Variants in GABRB2 observed in about 807,000 individuals in gnomAD.
GABRB2 encodes the protein gamma-aminobutyric acid type A receptor subunit beta2, also known as gamma-aminobutyric acid receptor subunit beta-2.
Under a neutral mutation model 54.7 loss-of-function variants are expected in GABRB2, and 16 were observed. The observed-to-expected ratio is 0.29, with a 90% confidence interval of 0.20 to 0.44. The LOEUF is 0.44. GABRB2 is among the 20% of genes least tolerant of loss of function. GABRB2 has a pLI of 1.00. For missense variants in GABRB2, 355 were observed against 644.0 expected (o/e 0.55, Z 4.86); for synonymous variants, 244 against 233.8 (o/e 1.04, Z -0.40).
chr5:161,429,938 T>TTG (rs1247850555), intron 4 of GABRB2, among the ~76,000 whole-genome samples: 3 of 152,174 alleles, frequency 2.0e-5, no homozygotes, highest in Non-Finnish European at 2.9e-5. Context: ...GAAGGCCCAG[T>TTG]GTTCATGCTC....
chr5:161,344,705 A>C (rs906934084), intron 5 of GABRB2, among the ~76,000 whole-genome samples: 1 of 152,092 alleles, frequency 6.6e-6, no homozygotes, highest in Non-Finnish European at 1.5e-5. Flanking sequence ...ATATATACCC[A>C]AAAATTATTA....
chr5:161,479,091 GAGAAT>G (rs1174137867), intron 3 of GABRB2, among the ~76,000 whole-genome samples: 1 of 152,040 alleles, frequency 6.6e-6, no homozygotes, highest in East Asian at 1.9e-4. Flanking sequence ...ACTTAGTCAA[GAGAAT>G]TCTCATGCTT....
chr5:161,357,072 G>C (rs977757679), intron 5 of GABRB2, among the ~76,000 whole-genome samples: 1 of 152,146 alleles, frequency 6.6e-6, no homozygotes, highest in Admixed American at 6.5e-5. Flanking sequence ...TAACAAATAG[G>C]TGAATTACGT....
At chr5:161,459,395 TC>T in intron 4 of GABRB2, 1 of 557,966 alleles carries the variant, frequency 1.8e-6, no homozygotes. Context: ...AGCTTTAGGA[TC>T]AGCAGCTGAT....
intron 3 of GABRB2, among the ~76,000 whole-genome samples, chr5:161,514,332 T>C (rs557639746): frequency 1.9e-4 from 29 of 152,252 alleles, no homozygotes; most frequent in African/African-American, 6.5e-4. Flanking sequence ...TACTCTCTCA[T>C]ACATCCACCT....
At chr5:161,470,465 C>T (rs1368561298) in intron 3 of GABRB2, among the ~76,000 whole-genome samples, 1 of 151,962 alleles carries the variant, frequency 6.6e-6, no homozygotes, top group East Asian at 1.9e-4. Context: ...AATAGAACAA[C>T]TGTAACAATA....
chr5:161,496,079 A>G (rs914570518), intron 3 of GABRB2, among the ~76,000 whole-genome samples: 3 of 152,130 alleles, frequency 2.0e-5, no homozygotes, highest in Admixed American at 2.0e-4. Flanking sequence ...TGAGGCTGTT[A>G]AGCCACTGGG....
At chr5:161,531,335 C>T (rs1297065926) in intron 3 of GABRB2, among the ~76,000 whole-genome samples, 3 of 152,012 alleles carry the variant, frequency 2.0e-5, no homozygotes, top group Non-Finnish European at 4.4e-5. Context: ...CTCACAGAAA[C>T]CTGACAATTT....
chr5:161,514,199 G>A (rs1025467963), intron 3 of GABRB2, among the ~76,000 whole-genome samples: 1 of 152,092 alleles, frequency 6.6e-6, no homozygotes, highest in African/African-American at 2.4e-5. Flanking sequence ...TATGACCAGA[G>A]TGCAGACACT....
At chr5:161,348,766 T>C (rs1280284254) in intron 5 of GABRB2, among the ~76,000 whole-genome samples, 1 of 152,092 alleles carries the variant, frequency 6.6e-6, no homozygotes. Context: ...TTTGAATAGC[T>C]AGGGATTTAA....
At chr5:161,361,873 TGC>T (rs986454501) in intron 5 of GABRB2, among the ~76,000 whole-genome samples, 17 of 152,314 alleles carry the variant, frequency 1.1e-4, no homozygotes, top group African/African-American at 3.8e-4. Flanking sequence ...TGAATGGTAT[TGC>T]CTAGGTTTTC....
chr5:161,533,158 T>G (rs193276530), intron 3 of GABRB2, among the ~76,000 whole-genome samples: 49 of 152,282 alleles, frequency 3.2e-4, no homozygotes, highest in African/African-American at 1.1e-3. Context: ...GCAATAGGAA[T>G]GCCGATAGAA....
chr5:161,297,070 A>G (rs1757400436), intron 9 of GABRB2, among the ~76,000 whole-genome samples: 1 of 152,134 alleles, frequency 6.6e-6, no homozygotes, highest in Non-Finnish European at 1.5e-5. Context: ...AAAATTAAGT[A>G]TGTTGCCCTT....
chr5:161,356,823 G>T (rs115075664), intron 5 of GABRB2, among the ~76,000 whole-genome samples: 1,730 of 152,208 alleles, frequency 0.011, 35 homozygotes, highest in African/African-American at 0.039. Flanking sequence ...AAGAACCCTG[G>T]ATATTTTTGG....
At chr5:161,424,440 A>G (rs1470031032) in intron 4 of GABRB2, among the ~76,000 whole-genome samples, 1 of 152,144 alleles carries the variant, frequency 6.6e-6, no homozygotes, top group East Asian at 1.9e-4. Flanking sequence ...TCCCAAAATC[A>G]TAAGGCCCTT....
intron 3 of GABRB2, among the ~76,000 whole-genome samples, chr5:161,497,228 A>G (rs753576806): frequency 3.3e-5 from 5 of 152,120 alleles, no homozygotes; most frequent in Non-Finnish European, 5.9e-5. Context: ...CTTTAAGTCC[A>G]TAAGGCAGCA....
At chr5:161,319,132 T>G (rs1758132368) in intron 9 of GABRB2, among the ~76,000 whole-genome samples, 1 of 150,336 alleles carries the variant, frequency 6.7e-6, no homozygotes, top group African/African-American at 2.4e-5. Context: ...GCTGTTTTTT[T>G]TTTTTTTAAA....
intron 4 of GABRB2, among the ~76,000 whole-genome samples, chr5:161,437,343 G>A (rs866482264): frequency 7.9e-5 from 12 of 151,964 alleles, no homozygotes; most frequent in African/African-American, 2.9e-4. Flanking sequence ...AGAGTTATGA[G>A]GCCCCCATTT....
chr5:161,541,876 T>C (rs538245008), intron 3 of GABRB2, among the ~76,000 whole-genome samples: 55 of 152,348 alleles, frequency 3.6e-4, no homozygotes, highest in African/African-American at 1.2e-3. Flanking sequence ...CATTCAAAAC[T>C]TGGCTGCTTT....
Sources: allele counts gnomAD v4.1 joint callset (sites outside exome capture counted in the v4.1 genomes callset), GRCh38; gene constraint gnomAD v4.1.1; transcripts MANE v1.5; gene names NCBI Gene and HGNC (gene_info 2026-07-23, HGNC 2026-07-21).